Variants in HRH4 observed in about 807,000 individuals in gnomAD.
The protein encoded by HRH4 is histamine receptor H4, also known as histamine H4 receptor.
A neutral mutation model predicts 10.4 loss-of-function variants in HRH4; 12 were observed. That is an observed-to-expected ratio of 1.15 (90% confidence interval 0.74 to 1.87). HRH4 has a LOEUF of 1.87. Ranked by LOEUF, HRH4 falls within the 40% of genes most tolerant of loss-of-function variation. The pLI is 0.00. For synonymous variants in HRH4, 154 were observed against 166.6 expected, an observed-to-expected ratio of 0.92 and a Z score of 0.58; for missense variants, 415 against 453.3, an observed-to-expected ratio of 0.92 and a Z score of 0.77.
intron 1 of HRH4, among the ~76,000 whole-genome samples, chr18:24,464,554 C>T (rs957631824): frequency 2.6e-5 from 4 of 152,128 alleles, no homozygotes; most frequent in African/African-American, 7.2e-5. Flanking sequence ...ATTCCTCTGG[C>T]GGCCCAAAGG....
At chr18:24,465,193 CAGG>C (rs1162645381) in intron 1 of HRH4, among the ~76,000 whole-genome samples, 1 of 152,086 alleles carries the variant, frequency 6.6e-6, no homozygotes, top group Non-Finnish European at 1.5e-5. Context: ...GAGGCTGAGG[CAGG>C]AGAATCACCT....
intron 2 of HRH4, among the ~76,000 whole-genome samples, chr18:24,474,211 C>G (rs1910065298): frequency 6.6e-6 from 1 of 151,642 alleles, no homozygotes; most frequent in African/African-American, 2.4e-5. Flanking sequence ...TCTTCATAAT[C>G]ATTAGATTTA....
rs1272027539 is a variant in HRH4, at chr18:24,477,090, C to T, written c.701C>T (p.Ser234Leu). The T allele has an allele frequency of 6.2e-7, 1 of 1,614,240 alleles. No individual in the cohort carries two copies. The highest frequency in any genetic ancestry group is 8.5e-7 in the Non-Finnish European group (1 of 1,180,040). ...CACTCATTCAGAGGTAGACTATCTT[C>T]AAGGAGATCTCTTTCTGCATCGACA... ...CGHSFRGRLS[S>L]RRSLSASTEV... Residue 234 changes from serine to leucine, a missense_variant, in exon 3 of 3, where the codon TCA (serine) becomes TTA (leucine). Coordinates refer to ENST00000256906, the MANE Select transcript of HRH4 (RefSeq NM_021624.4).
In HRH4 at chr18:24,476,990, C is replaced by A; in HGVS notation, c.601C>A (p.Leu201Met). 2.5e-6 allele frequency: 4 copies of A among 1,614,194 alleles called. No homozygotes were observed. The highest frequency in any genetic ancestry group is 3.4e-6 in the Non-Finnish European group (4 of 1,180,030). Residue 201 changes from leucine to methionine, a missense_variant, in exon 3 of 3, where the codon CTG becomes ATG. Transcript: ENST00000256906. ...TTTCAACATGAATATTTATTGGAGC[C>A]TGTGGAAGCGTGATCATCTCAGTAG... ...AYFNMNIYWS[L>M]WKRDHLSRCQ...
intron 1 of HRH4, among the ~76,000 whole-genome samples, chr18:24,468,027 T>C (rs1466423753): frequency 6.6e-6 from 1 of 152,150 alleles, no homozygotes; most frequent in African/African-American, 2.4e-5. Context: ...ACAAGACCTG[T>C]ACTTAATTTG....
intron 2 of HRH4, among the ~76,000 whole-genome samples, chr18:24,474,455 G>A (rs1910075256): frequency 6.6e-6 from 1 of 152,082 alleles, no homozygotes; most frequent in Admixed American, 6.6e-5. Flanking sequence ...AGCCAATAGA[G>A]GTCTTCTCAG....
At chr18:24,469,410 T>C (rs1397427506) in intron 2 of HRH4, among the ~76,000 whole-genome samples, 1 of 152,214 alleles carries the variant, frequency 6.6e-6, no homozygotes. Flanking sequence ...AGCTACAGTT[T>C]ACACAGTGGG....
chr18:24,467,599 A>G (rs1035261506), intron 1 of HRH4, among the ~76,000 whole-genome samples: 7 of 152,132 alleles, frequency 4.6e-5, no homozygotes, highest in Admixed American at 1.3e-4. Context: ...GATGGAGTGC[A>G]GTGGCCCCAT....
intron 2 of HRH4, among the ~76,000 whole-genome samples, chr18:24,472,377 C>T (rs1296815533): frequency 2.6e-5 from 4 of 151,934 alleles, no homozygotes; most frequent in South Asian, 2.1e-4. Context: ...GGTCTTGCCT[C>T]GAGTAATTCC....
chr18:24,467,756 C>T (rs12967243), intron 1 of HRH4, among the ~76,000 whole-genome samples: 30,323 of 152,038 alleles, frequency 0.2, 3,828 homozygotes, highest in Middle Eastern at 0.33. Flanking sequence ...GTTGGGCAGG[C>T]TGGTCTTGAA....
intron 1 of HRH4, among the ~76,000 whole-genome samples, chr18:24,463,404 GAC>G (rs1909691544): frequency 2.0e-5 from 3 of 152,326 alleles, no homozygotes; most frequent in South Asian, 2.1e-4. Context: ...GGCTCACCAT[GAC>G]ACAGTCCCTG....
Position 24,477,012 on chromosome 18 carries a change from G to A in HRH4, c.623G>A (p.Ser208Asn). ...AGCCTGTGGAAGCGTGATCATCTCA[G>A]TAGGTGCCAAAGCCATCCTGGACTG... ...YWSLWKRDHL[S>N]RCQSHPGLTA... Residue 208 changes from serine to asparagine, a missense_variant, in exon 3 of 3, where the codon AGT becomes AAT. Physicochemically the swap from Ser to Asn is conservative, Grantham distance 46. Transcript: ENST00000256906. 1 of 1,614,168 alleles carries A rather than the reference G, an allele frequency of 6.2e-7. No homozygotes were observed. The highest frequency in any genetic ancestry group is 8.5e-7 in the Non-Finnish European group (1 of 1,180,028).
At chr18:24,461,131 C>T (rs1909627517) in intron 1 of HRH4, among the ~76,000 whole-genome samples, 1 of 152,100 alleles carries the variant, frequency 6.6e-6, no homozygotes, top group South Asian at 2.1e-4. Context: ...GAATTTTCAG[C>T]TGAAAACAGT....
At chr18:24,475,148 AGGGCAGT>A in intron 2 of HRH4, among the ~76,000 whole-genome samples, 1 of 152,122 alleles carries the variant, frequency 6.6e-6, no homozygotes, top group South Asian at 2.1e-4. Context: ...CTGTGATGGG[AGGGCAGT>A]CCTCACTCAT....
chr18:24,477,186 A>G lies in HRH4; in HGVS notation c.797A>G (p.Lys266Arg). ...AGTCTCATGTTTTCCTCAAGAACCA[A>G]GATGAATAGCAATACAATTGCTTCC... ...KSSLMFSSRT[K>R]MNSNTIASKM... Residue 266 changes from lysine (K) to arginine (R), a missense_variant, in exon 3 of 3, where the codon AAG becomes AGG. Physicochemically the swap from Lys to Arg is conservative, Grantham distance 26. Coordinates refer to ENST00000256906, the MANE Select transcript of HRH4 (RefSeq NM_021624.4). The G allele has an allele frequency of 6.2e-7, 1 of 1,614,246 alleles. No homozygotes were observed. The highest frequency in any genetic ancestry group is 8.5e-7 in the Non-Finnish European group (1 of 1,180,046).
In HRH4 at chr18:24,476,916, C is replaced by T. The variant is rs866983669; in HGVS notation, c.527C>T (p.Ala176Val). 5.6e-6 allele frequency: 9 copies of T among 1,614,000 alleles called. No individual in the cohort carries two copies. The African/African-American group carries it at 1.2e-4, about 22-fold the overall frequency. ...PGFFSEWYIL[A>V]ITSFLEFVIP... is the part of the protein sequence containing the mutation. ...TTTTTTTCGGAATGGTACATCCTTG[C>T]CATCACATCATTCTTGGAATTCGTG... Residue 176 changes from alanine (A) to valine (V), a missense_variant, in exon 3 of 3, where the codon GCC (alanine) becomes GTC (valine). Coordinates refer to ENST00000256906, the MANE Select transcript of HRH4 (RefSeq NM_021624.4).
At chr18:24,473,801 T>C (rs1440524608) in intron 2 of HRH4, among the ~76,000 whole-genome samples, 1 of 152,202 alleles carries the variant, frequency 6.6e-6, no homozygotes, top group Non-Finnish European at 1.5e-5. Context: ...CAACAAGTTC[T>C]AGTAGGCCGC....
intron 1 of HRH4, among the ~76,000 whole-genome samples, chr18:24,465,050 G>T (rs1188156291): frequency 6.6e-6 from 1 of 151,998 alleles, no homozygotes; most frequent in African/African-American, 2.4e-5. Flanking sequence ...ACTTTGAGAG[G>T]CCAAGGTGGG....
At position 24,477,330 on chromosome 18, in the gene HRH4, T is replaced by G. The variant is rs993563191; in HGVS notation, c.941T>G (p.Val314Gly). 1 of 1,614,158 alleles carries G rather than the reference T, an allele frequency of 6.2e-7. No individual in the cohort carries two copies. Among genetic ancestry groups the G allele is most frequent in the Non-Finnish European group, 8.5e-7 (1 of 1,179,990 alleles). ...GCCATTCTCTTAGGGGTTTTTGCTG[T>G]TTGCTGGGCTCCATATTCTCTGTTC... ...SLAILLGVFA[V>G]CWAPYSLFTI... Residue 314 changes from valine (V) to glycine (G), a missense_variant, in exon 3 of 3, where the codon GTT becomes GGT. By Grantham distance (109) the Val-to-Gly change is moderately radical. Coordinates refer to ENST00000256906, the MANE Select transcript of HRH4 (RefSeq NM_021624.4).
Sources: allele counts gnomAD v4.1 joint callset (sites outside exome capture counted in the v4.1 genomes callset), GRCh38; gene constraint gnomAD v4.1.1; transcripts MANE v1.5; gene names NCBI Gene and HGNC (gene_info 2026-07-23, HGNC 2026-07-21).